Variants in CRB1 observed in about 807,000 individuals in gnomAD.
The protein encoded by CRB1 is crumbs cell polarity complex component 1, also known as protein crumbs homolog 1.
CRB1 carries 83 observed loss-of-function variants against 120.0 expected under a neutral mutation model. That is an observed-to-expected ratio of 0.69 (90% CI 0.58 to 0.83). The LOEUF (loss-of-function observed/expected upper bound fraction) is 0.83, where lower values mean the gene tolerates loss of function less well. Ranked by LOEUF, CRB1 falls within the 40% of genes least tolerant of loss-of-function variation. The probability of loss-of-function intolerance (pLI) is 0.00; values close to 1 mark genes in which losing one functional copy is unlikely to be tolerated. For synonymous variants in CRB1, 625 were observed against 612.5 expected, an observed-to-expected ratio of 1.02 and a Z score of -0.30; for missense variants, 1,699 against 1,687.6, an observed-to-expected ratio of 1.01 and a Z score of -0.12.
chr1:197,323,708 G>A (rs1408200239), intron 1 of CRB1, among the ~76,000 whole-genome samples: 2 of 152,096 alleles, frequency 1.3e-5, no homozygotes, highest in East Asian at 1.9e-4. Context: ...ATGACAAAGG[G>A]CAGGGCATCT....
intron 2 of CRB1, among the ~76,000 whole-genome samples, chr1:197,342,310 C>G (rs995631094): frequency 6.6e-6 from 1 of 152,094 alleles, no homozygotes; most frequent in Non-Finnish European, 1.5e-5. Context: ...TACCCATACT[C>G]TCTCTCACTC....
chr1:197,409,875 A>G (rs995313874), intron 5 of CRB1, among the ~76,000 whole-genome samples: 2 of 151,942 alleles, frequency 1.3e-5, no homozygotes, highest in African/African-American at 4.8e-5. Context: ...CTCCGCCTCC[A>G]GGGGTTCATG....
intron 5 of CRB1, among the ~76,000 whole-genome samples, chr1:197,369,238 C>T (rs2125378860): frequency 6.6e-6 from 1 of 152,162 alleles, no homozygotes; most frequent in Non-Finnish European, 1.5e-5. Flanking sequence ...CTACACCTGA[C>T]CTAATAAATG....
chr1:197,433,551 GA>G (rs1401268967), intron 8 of CRB1, among the ~76,000 whole-genome samples: 1 of 151,994 alleles, frequency 6.6e-6, no homozygotes, highest in Non-Finnish European at 1.5e-5. Context: ...ATAATAGAGT[GA>G]GACCATGGGG....
chr1:197,414,409 T>G (rs1037517348), intron 5 of CRB1, among the ~76,000 whole-genome samples: 10 of 152,120 alleles, frequency 6.6e-5, no homozygotes, highest in African/African-American at 2.4e-4. Context: ...ATATAAAGTC[T>G]ACGTTCCTTT....
At chr1:197,221,796 A>G in the CRB1 span, among the ~76,000 whole-genome samples, 2 of 152,196 alleles carry the variant, frequency 1.3e-5, no homozygotes, top group Admixed American at 6.5e-5. Flanking sequence ...CTAACCACCT[A>G]GCCCTGATCC....
In CRB1 at chr1:197,429,520, C is replaced by T. The variant is rs1664770624; in HGVS notation, c.2748C>T (p.Leu916=). 15 of 1,614,022 alleles carry T rather than the reference C, an allele frequency of 9.3e-6. No homozygotes were observed. The highest frequency in any genetic ancestry group is 1.2e-5 in the Non-Finnish European group (14 of 1,179,958). The change falls in exon 8 of 12, where the codon CTC becomes CTT. Residue 916 remains leucine, a synonymous_variant. Coordinates refer to ENST00000367400, the MANE Select transcript of CRB1 (RefSeq NM_201253.3). ...WDDFSCSCPA[L]TSGKACEEVQ... is the part of the protein sequence containing the mutation. ...ACTTCTCCTGTTCCTGTCCTGCCCTCACAAGTGGGAAAGCCTGTGAGGAGG... is the reference window on the plus strand; with the variant it reads ...ACTTCTCCTGTTCCTGTCCTGCCCTTACAAGTGGGAAAGCCTGTGAGGAGG...
At chr1:197,264,371 C>T (rs1654585367), upstream of CRB1, among the ~76,000 whole-genome samples, 1 of 152,064 alleles carries the variant, frequency 6.6e-6, no homozygotes, top group Admixed American at 6.6e-5. Context: ...TCCAATCATC[C>T]ATTGATGGAC....
rs1231765331 is a variant in CRB1, at chr1:197,421,655, G to A, written c.1827G>A (p.Gln609=). 2.5e-6 allele frequency: 4 copies of A among 1,614,096 alleles called. No homozygotes were observed. In the African/African-American group the frequency reaches 5.3e-5, roughly 22 times the overall value. ...LESDQSICAF[Q]NSFLGGLPVG... ...GTGATCAATCAATATGTGCTTTTCA[G>A]AACTCCTTTTTGGGTGGTTTACCAG... The change falls in exon 6 of 12, where the codon CAG becomes CAA. Residue 609 remains glutamine, a synonymous_variant. Coordinates refer to ENST00000367400, the MANE Select transcript of CRB1 (RefSeq NM_201253.3).
chr1:197,385,722 G>T (rs1173924455), intron 5 of CRB1, among the ~76,000 whole-genome samples: 2 of 152,030 alleles, frequency 1.3e-5, no homozygotes, highest in African/African-American at 4.8e-5. Context: ...CTACTCAGAG[G>T]CATTGGCAGG....
intron 1 of CRB1, among the ~76,000 whole-genome samples, chr1:197,271,639 T>G (rs1654914864): frequency 6.6e-6 from 1 of 152,190 alleles, no homozygotes; most frequent in Non-Finnish European, 1.5e-5. Flanking sequence ...TCTGATGTAT[T>G]AAAAGAGAAA....
At chr1:197,411,540 C>T (rs1663712976) in intron 5 of CRB1, among the ~76,000 whole-genome samples, 1 of 152,104 alleles carries the variant, frequency 6.6e-6, no homozygotes, top group Non-Finnish European at 1.5e-5. Context: ...AGAAAACTGT[C>T]TTCTTTAGTT....
chr1:197,459,493 G>T (rs955455223), intron 11 of CRB1, among the ~76,000 whole-genome samples: 2 of 152,036 alleles, frequency 1.3e-5, no homozygotes, highest in Non-Finnish European at 2.9e-5. Context: ...GTTCGTAAAT[G>T]GTCTCTTCTC....
At chr1:197,462,170 T>C (rs1252352603) in intron 11 of CRB1, among the ~76,000 whole-genome samples, 1 of 152,174 alleles carries the variant, frequency 6.6e-6, no homozygotes, top group East Asian at 1.9e-4. Context: ...CTTTTTGCCT[T>C]AGACTTTTTA....
chr1:197,397,121 CA>C (rs1006951879), intron 5 of CRB1, among the ~76,000 whole-genome samples: 58 of 151,998 alleles, frequency 3.8e-4, no homozygotes, highest in Admixed American at 2.6e-3. Context: ...TAAAAATATA[CA>C]AAAAATTTAA....
chr1:197,477,605 C>T lies in CRB1; in HGVS notation c.4006-59C>T, dbSNP rs1667251322. 2.0e-6 allele frequency: 3 copies of T among 1,521,100 alleles called. No individual in the cohort carries two copies. In the Admixed American group the frequency reaches 5.1e-5, roughly 26 times the overall value. 94.2% of individuals were successfully genotyped at this position (1,521,100 alleles called of 1,614,324 possible). On this transcript the variant is annotated intron_variant, in intron 11 of 11. Coordinates refer to ENST00000367400, the MANE Select transcript of CRB1 (RefSeq NM_201253.3). ...TTCATTCCTGAGTAGTTCCATTGTC[C>T]TGAATATTTATTTGCCTTTGCTATA...
At position 197,336,449 on chromosome 1, in the gene CRB1, A is replaced by G. The variant is rs537727873; in HGVS notation, c.652+7446A>G. On this transcript the variant is annotated intron_variant, in intron 2 of 11. Transcript: ENST00000367400. The stretch of plus-strand genomic sequence containing the variant: ...TTATTTCATGAGAAATAATATTATT[A>G]TATCAAAGAAAAATGGTTGTTTTTA... Among the ~76,000 whole-genome samples the G allele has an allele frequency of 3.6e-3, 532 of 149,696 alleles. 1 individual carries two copies. Among genetic ancestry groups the G allele is most frequent in the African/African-American group, 0.013 (510 of 40,326 alleles).
chr1:197,255,964 T>TA, the CRB1 span, among the ~76,000 whole-genome samples: 52 of 89,354 alleles, frequency 5.8e-4, no homozygotes, highest in South Asian at 2.7e-3. Context: ...TATAGAACAT[T>TA]TTATATATAT....
chr1:197,472,111 C>A (rs16829908), intron 11 of CRB1, among the ~76,000 whole-genome samples: 8,508 of 152,226 alleles, frequency 0.056, 794 homozygotes, highest in African/African-American at 0.19. Flanking sequence ...TTTGATGTAA[C>A]ACTAAATACA....
Sources: allele counts gnomAD v4.1 joint callset (sites outside exome capture counted in the v4.1 genomes callset), GRCh38; gene constraint gnomAD v4.1.1; transcripts MANE v1.5; gene names NCBI Gene and HGNC (gene_info 2026-07-23, HGNC 2026-07-21).